Variants in PCSK2 observed in about 807,000 individuals in gnomAD.
The protein encoded by PCSK2 is neuroendocrine convertase 2.
Under a neutral mutation model 69.7 loss-of-function variants are expected in PCSK2, and 14 were observed. The observed-to-expected ratio is 0.20, with a 90% confidence interval of 0.13 to 0.31. PCSK2 has a LOEUF of 0.31. Ranked by LOEUF, PCSK2 falls within the 10% of genes least tolerant of loss-of-function variation. The pLI is 1.00. For missense variants in PCSK2, 544 were observed against 842.5 expected (o/e 0.65, Z 4.39); for synonymous variants, 307 against 320.7 (o/e 0.96, Z 0.46).
chr20:17,318,009 A>G (rs951357641), intron 2 of PCSK2, among the ~76,000 whole-genome samples: 1 of 152,240 alleles, frequency 6.6e-6, no homozygotes, highest in South Asian at 2.1e-4. Flanking sequence ...CTTAAAATGT[A>G]TGTGTCATTC....
chr20:17,235,864 T>C (rs2122940375), intron 1 of PCSK2, among the ~76,000 whole-genome samples: 1 of 152,260 alleles, frequency 6.6e-6, no homozygotes, highest in African/African-American at 2.4e-5. Flanking sequence ...ACAGTATTTT[T>C]ACACATTGCA....
At chr20:17,233,617 A>C (rs1200141966) in intron 1 of PCSK2, among the ~76,000 whole-genome samples, 5 of 152,150 alleles carry the variant, frequency 3.3e-5, no homozygotes, top group Admixed American at 6.5e-5. Flanking sequence ...AGGAGAATGC[A>C]GTACAGTTAC....
chr20:17,415,209 T>G (rs1358055394), intron 6 of PCSK2, among the ~76,000 whole-genome samples: 1 of 151,974 alleles, frequency 6.6e-6, no homozygotes, highest in Non-Finnish European at 1.5e-5. Context: ...GAGAAAGAAA[T>G]AACGGTATTC....
intron 11 of PCSK2, chr20:17,479,242 A>G (rs2033346384): frequency 1.6e-6 from 2 of 1,252,730 alleles, no homozygotes; most frequent in Non-Finnish European, 2.3e-6. Flanking sequence ...TTCACAATAC[A>G]TTTATAAGCT....
At chr20:17,480,291 G>T (rs1441869212) in intron 11 of PCSK2, among the ~76,000 whole-genome samples, 5 of 146,038 alleles carry the variant, frequency 3.4e-5, no homozygotes, top group African/African-American at 7.6e-5. Context: ...CCGGGTTCAA[G>T]CCATTTTCCC....
intron 2 of PCSK2, among the ~76,000 whole-genome samples, chr20:17,352,101 T>C (rs1045123555): frequency 6.6e-6 from 1 of 152,126 alleles, no homozygotes; most frequent in African/African-American, 2.4e-5. Context: ...CCACGTATAA[T>C]AGCTATAAGA....
intron 1 of PCSK2, 72 bp from the exon 2 acceptor site, chr20:17,260,168 C>T: frequency 1.1e-6 from 1 of 923,466 alleles, no homozygotes; most frequent in South Asian, 1.3e-5. Flanking sequence ...CAAGCAGCCC[C>T]AGCTTTGGTG....
chr20:17,320,776 G>A (rs1054376778), intron 2 of PCSK2, among the ~76,000 whole-genome samples: 1 of 152,170 alleles, frequency 6.6e-6, no homozygotes, highest in Admixed American at 6.5e-5. Context: ...AAGCCTTCAG[G>A]CAGAGACAGT....
chr20:17,371,938 G>A (rs2030776419), intron 5 of PCSK2, among the ~76,000 whole-genome samples: 1 of 152,098 alleles, frequency 6.6e-6, no homozygotes, highest in African/African-American at 2.4e-5. Context: ...GAAAGAACTG[G>A]AAAAGCTTTT....
At position 17,439,351 on chromosome 20, in the gene PCSK2, C is replaced by T. The variant is rs150007852; in HGVS notation, c.885+2468C>T. ...TGTTGCCCAGGCTAGTTTCAAACTC[C>T]GGGACTCAAGAGATCCTCCCACCTT... On this transcript the variant is annotated intron_variant, in intron 8 of 11. Coordinates refer to ENST00000262545, the MANE Select transcript of PCSK2 (RefSeq NM_002594.5). 1.3e-3 allele frequency among the ~76,000 whole-genome samples: 194 copies of T among 152,142 alleles called. 1 individual carries two copies. The highest frequency in any genetic ancestry group is 3.5e-3 in the African/African-American group (144 of 41,512).
At chr20:17,297,683 C>T (rs1049566981) in intron 2 of PCSK2, among the ~76,000 whole-genome samples, 6 of 152,168 alleles carry the variant, frequency 3.9e-5, no homozygotes, top group Admixed American at 6.5e-5. Context: ...TTATCCTCTT[C>T]GTGAATGTCC....
intron 2 of PCSK2, among the ~76,000 whole-genome samples, chr20:17,305,680 G>T (rs991852353): frequency 6.6e-5 from 10 of 152,212 alleles, no homozygotes; most frequent in African/African-American, 2.2e-4. Flanking sequence ...ATGCTTTCAA[G>T]ACAATAAAAA....
Position 17,339,545 on chromosome 20 carries a change from T to G in PCSK2, c.283-18782T>G, listed in dbSNP as rs75511967. On this transcript the variant is annotated intron_variant, in intron 2 of 11. Coordinates refer to ENST00000262545, the MANE Select transcript of PCSK2 (RefSeq NM_002594.5). ...TTCTGCTTGAAGGCTTCTGGAATTTTGTCTCTATCACTGCAATTTAAATAT... is the reference window on the plus strand; with the variant it reads ...TTCTGCTTGAAGGCTTCTGGAATTTGGTCTCTATCACTGCAATTTAAATAT... Among the ~76,000 whole-genome samples, 116 of 152,290 alleles carry G rather than the reference T, an allele frequency of 7.6e-4. 3 individuals are homozygous for G. In the East Asian group the frequency reaches 0.021, roughly 28 times the overall value.
At chr20:17,306,450 A>C (rs1025711362) in intron 2 of PCSK2, among the ~76,000 whole-genome samples, 1 of 152,174 alleles carries the variant, frequency 6.6e-6, no homozygotes, top group Non-Finnish European at 1.5e-5. Flanking sequence ...CAGGCAGGCA[A>C]TAACTGCTTC....
At chr20:17,293,012 A>G (rs1988749574) in intron 2 of PCSK2, among the ~76,000 whole-genome samples, 1 of 151,996 alleles carries the variant, frequency 6.6e-6, no homozygotes, top group Admixed American at 6.6e-5. Context: ...TTTAGTAGAG[A>G]CAAGGTTTCA....
At chr20:17,254,269 T>G (rs1987097387) in intron 1 of PCSK2, among the ~76,000 whole-genome samples, 1 of 152,230 alleles carries the variant, frequency 6.6e-6, no homozygotes, top group Admixed American at 6.5e-5. Flanking sequence ...AAACATTGCC[T>G]AACCTAAAGC....
rs983979760 is a variant in PCSK2, at chr20:17,472,296, T to C, written c.1430+6743T>C. Among the ~76,000 whole-genome samples the C allele has an allele frequency of 4.6e-5, 7 of 152,340 alleles. 1 individual carries two copies. The Middle Eastern group carries it at 0.01, about 222-fold the overall frequency. On this transcript the variant is annotated intron_variant, in intron 11 of 11. Transcript: ENST00000262545. ...AATAAATGTTAAAACCTGGTATCAA[T>C]GCCGGAAGCAGCATGGGAGTGAGAG...
intron 2 of PCSK2, among the ~76,000 whole-genome samples, chr20:17,294,319 G>A (rs1468194702): frequency 6.6e-6 from 1 of 151,560 alleles, no homozygotes; most frequent in South Asian, 2.1e-4. Flanking sequence ...TGTTAGCCAG[G>A]ATGGTCTCGA....
chr20:17,414,652 A>G (rs1038522864), intron 6 of PCSK2, among the ~76,000 whole-genome samples: 2 of 152,254 alleles, frequency 1.3e-5, no homozygotes, highest in Non-Finnish European at 2.9e-5. Flanking sequence ...TCCAGTCAAC[A>G]GAAAAAGAGG....
Sources: allele counts gnomAD v4.1 joint callset (sites outside exome capture counted in the v4.1 genomes callset), GRCh38; gene constraint gnomAD v4.1.1; transcripts MANE v1.5; gene names NCBI Gene and HGNC (gene_info 2026-07-23, HGNC 2026-07-21).